IQCM: variants seen among roughly 807,000 people sequenced by gnomAD.
IQCM encodes IQ motif containing M, also known as IQ domain-containing protein M.
A neutral mutation model predicts 57.6 loss-of-function variants in IQCM; 45 were observed. That is an observed-to-expected ratio of 0.78 (90% CI 0.62 to 1.00). IQCM has a LOEUF of 1.00. Among genes scored for constraint, IQCM ranks in the 50% least tolerant of loss-of-function variants. The pLI is 0.00. For synonymous variants in IQCM, 148 were observed against 158.9 expected (o/e 0.93, Z 0.51); for missense variants, 468 against 511.6 (o/e 0.91, Z 0.82).
chr4:149,764,176 C>G (rs1391619281), intron 2 of IQCM, among the ~76,000 whole-genome samples: 1 of 152,018 alleles, frequency 6.6e-6, no homozygotes, highest in Non-Finnish European at 1.5e-5. Flanking sequence ...ATTCGAGGTC[C>G]GTCTAACCTT....
intron 12 of IQCM, among the ~76,000 whole-genome samples, chr4:149,524,698 A>G (rs1050270574): frequency 6.6e-6 from 1 of 151,896 alleles, no homozygotes; most frequent in African/African-American, 2.4e-5. Flanking sequence ...AAAATAAAAG[A>G]GTGTAAATTC....
chr4:149,790,096 A>AT, intron 2 of IQCM: 1 of 669,822 alleles, frequency 1.5e-6, no homozygotes, highest in South Asian at 3.1e-5. Flanking sequence ...CATCCTCACC[A>AT]TTAAAAAAAG....
intron 12 of IQCM, among the ~76,000 whole-genome samples, chr4:149,540,191 G>C (rs1747709831): frequency 6.6e-6 from 1 of 151,300 alleles, no homozygotes; most frequent in South Asian, 2.1e-4. Context: ...GCCCAGAAAA[G>C]AGGCCTTAAG....
At chr4:149,702,330 A>C (rs530547677) in intron 5 of IQCM, among the ~76,000 whole-genome samples, 29 of 150,040 alleles carry the variant, frequency 1.9e-4, no homozygotes, top group South Asian at 4.2e-4. Flanking sequence ...ACACACACAC[A>C]CCCATAGCAC....
chr4:149,799,873 A>C (rs1367591750), intron 2 of IQCM, among the ~76,000 whole-genome samples: 3 of 150,592 alleles, frequency 2.0e-5, no homozygotes. Flanking sequence ...ACAAAAAAAC[A>C]AAAAAAAACC....
chr4:149,761,117 C>A (rs902940580), intron 2 of IQCM, among the ~76,000 whole-genome samples: 1 of 152,012 alleles, frequency 6.6e-6, no homozygotes, highest in African/African-American at 2.4e-5. Flanking sequence ...GATACATACG[C>A]CAGCACGTGA....
At chr4:149,546,750 T>C (rs1468512159) in intron 12 of IQCM, among the ~76,000 whole-genome samples, 2 of 152,162 alleles carry the variant, frequency 1.3e-5, no homozygotes, top group Non-Finnish European at 2.9e-5. Context: ...ATTGCAAAAA[T>C]TTTCTCCCAT....
intron 2 of IQCM, among the ~76,000 whole-genome samples, chr4:149,769,541 C>T (rs1770369739): frequency 6.7e-6 from 1 of 148,460 alleles, no homozygotes; most frequent in Admixed American, 6.7e-5. Context: ...CCAAAATGTA[C>T]AATGCTCTAT....
chr4:149,727,071 A>T lies in IQCM; in HGVS notation c.385+6173T>A, dbSNP rs529835508. Among the ~76,000 whole-genome samples, 3 of 152,112 alleles carry T rather than the reference A, an allele frequency of 2.0e-5. No homozygotes were observed. The East Asian group carries it at 5.8e-4, about 29-fold the overall frequency. Reference sequence around the variant, plus strand: ...GGCTCCAAATATATTATAGAAATTAATTTTACCTGTTTCTTTTTACTGTTT... The same window carrying T: ...GGCTCCAAATATATTATAGAAATTATTTTTACCTGTTTCTTTTTACTGTTT... On this transcript the variant is annotated intron_variant, in intron 5 of 13. Transcript: ENST00000636793.
At chr4:149,540,173 C>CA (rs35730720) in intron 12 of IQCM, among the ~76,000 whole-genome samples, 56,885 of 151,032 alleles carry the variant, frequency 0.38, 13,260 homozygotes, top group Non-Finnish European at 0.51. Context: ...GACACAGCAA[C>CA]AAAACAAGCC....
chr4:149,716,900 G>A (rs768202114), intron 5 of IQCM, among the ~76,000 whole-genome samples: 1 of 152,124 alleles, frequency 6.6e-6, no homozygotes, highest in Non-Finnish European at 1.5e-5. Context: ...ACGTGATGAA[G>A]CCTCCACAAA....
At chr4:149,722,153 C>T (rs570058061) in intron 5 of IQCM, among the ~76,000 whole-genome samples, 1 of 152,050 alleles carries the variant, frequency 6.6e-6, no homozygotes, top group South Asian at 2.1e-4. Flanking sequence ...TGGTCTTCTC[C>T]TTGCTGATTT....
intron 3 of IQCM, among the ~76,000 whole-genome samples, chr4:149,735,841 T>C (rs1458838232): frequency 6.6e-6 from 1 of 152,192 alleles, no homozygotes; most frequent in Non-Finnish European, 1.5e-5. Context: ...TTGATAAAAT[T>C]ATAACTGTAA....
intron 5 of IQCM, among the ~76,000 whole-genome samples, chr4:149,701,488 GT>G (rs1763769298): frequency 6.6e-6 from 1 of 151,906 alleles, no homozygotes; most frequent in Non-Finnish European, 1.5e-5. Flanking sequence ...AATAAAGGTT[GT>G]TTTTATTTAT....
intron 12 of IQCM, among the ~76,000 whole-genome samples, chr4:149,443,794 C>G (rs923303177): frequency 1.3e-5 from 2 of 151,612 alleles, no homozygotes; most frequent in Admixed American, 1.3e-4. Context: ...CATCAGACTA[C>G]AAGGTCAAAG....
At chr4:149,571,203 GCA>G (rs1751124542) in intron 9 of IQCM, among the ~76,000 whole-genome samples, 1 of 152,078 alleles carries the variant, frequency 6.6e-6, no homozygotes, top group Non-Finnish European at 1.5e-5. Flanking sequence ...CGTGCTCACT[GCA>G]CCATTATTCA....
chr4:149,525,811 T>C (rs1746102053), intron 12 of IQCM, among the ~76,000 whole-genome samples: 1 of 151,866 alleles, frequency 6.6e-6, no homozygotes, highest in Non-Finnish European at 1.5e-5. Flanking sequence ...ACAAAGGTCA[T>C]AATTAAATGA....
At position 149,705,215 on chromosome 4, in the gene IQCM, G is replaced by T. The variant is rs1764066901; in HGVS notation, c.386-18747C>A. On this transcript the variant is annotated intron_variant, in intron 5 of 13. Transcript: ENST00000636793. ...TTTATATATTATAAATATATAAAAA[G>T]AAACATATATATCCTACTGTTTCTT... Among the ~76,000 whole-genome samples the T allele has an allele frequency of 2.1e-5, 3 of 143,872 alleles. No individual in the cohort carries two copies. The South Asian group carries it at 6.5e-4, about 31-fold the overall frequency. 94.4% of individuals were successfully genotyped at this position (143,872 alleles called of 152,430 possible). A position where few individuals can be genotyped will look rare whatever the true frequency, so the allele number is the denominator to read the frequency against.
At chr4:149,421,311 G>A (rs1393101088) in intron 13 of IQCM, among the ~76,000 whole-genome samples, 9 of 151,714 alleles carry the variant, frequency 5.9e-5, no homozygotes, top group Non-Finnish European at 8.8e-5. Flanking sequence ...TTTTTGCACA[G>A]ATATGTGTCG....
Sources: allele counts gnomAD v4.1 joint callset (sites outside exome capture counted in the v4.1 genomes callset), GRCh38; gene constraint gnomAD v4.1.1; transcripts MANE v1.5; gene names NCBI Gene and HGNC (gene_info 2026-07-23, HGNC 2026-07-21).